The following CADM1 variants were observed in gnomAD, a reference collection of about 807,000 sequenced individuals.
CADM1 encodes cell adhesion molecule 1.
In CADM1, 15 loss-of-function variants were observed where a neutral mutation model predicts 53.1. The observed-to-expected ratio is 0.28, with a 90% CI of 0.19 to 0.44. CADM1 has a LOEUF of 0.44. CADM1 is among the 20% of genes least tolerant of loss of function. The probability of loss-of-function intolerance (pLI) is 1.00; values close to 1 mark genes in which losing one functional copy is unlikely to be tolerated. For missense variants in CADM1, 434 were observed against 611.3 expected (o/e 0.71, Z 3.06); for synonymous variants, 281 against 243.0 (o/e 1.16, Z -1.45).
intron 1 of CADM1, among the ~76,000 whole-genome samples, chr11:115,349,797 T>C (rs1198025287): frequency 1.3e-5 from 2 of 152,166 alleles, no homozygotes; most frequent in African/African-American, 4.8e-5. Flanking sequence ...ATTTCACTGT[T>C]CTAGGTCCCT....
chr11:115,230,623 T>A (rs1941780895), intron 4 of CADM1, among the ~76,000 whole-genome samples: 1 of 152,212 alleles, frequency 6.6e-6, no homozygotes, highest in South Asian at 2.1e-4. Flanking sequence ...AGGTGCCAGG[T>A]ATTTGAGGAT....
chr11:115,500,417 T>G (rs1400100987), intron 1 of CADM1, among the ~76,000 whole-genome samples: 1 of 152,200 alleles, frequency 6.6e-6, no homozygotes, highest in Non-Finnish European at 1.5e-5. Context: ...TTCATAGCAA[T>G]CTTATCAATT....
rs992773083 is a variant in CADM1 at position 115,359,510 on chromosome 11, C to T, written c.125-119090G>A. On this transcript the variant is annotated intron_variant, in intron 1 of 11. Transcript: ENST00000331581. ...GCCCAAGGCAAAGACATGACACAGT[C>T]ATATTAGAAACTTCCTTAGAGAAAT... Among the ~76,000 whole-genome samples, 7 of 152,060 alleles carry T rather than the reference C, an allele frequency of 4.6e-5. No homozygotes were observed. In the East Asian group the frequency reaches 1.4e-3, roughly 29 times the overall value.
At chr11:115,443,863 G>A (rs559347609) in intron 1 of CADM1, among the ~76,000 whole-genome samples, 41 of 152,308 alleles carry the variant, frequency 2.7e-4, no homozygotes, top group Admixed American at 1.5e-3. Context: ...TGACCTATTA[G>A]AAGAACGGAC....
chr11:115,321,981 C>T (rs1311312119), intron 1 of CADM1, among the ~76,000 whole-genome samples: 2 of 152,074 alleles, frequency 1.3e-5, no homozygotes, highest in African/African-American at 2.4e-5. Context: ...AACATACAGT[C>T]GCTAAAGTAC....
chr11:115,262,240 A>G (rs7117558), intron 1 of CADM1, among the ~76,000 whole-genome samples: 1 of 151,824 alleles, frequency 6.6e-6, no homozygotes, highest in Non-Finnish European at 1.5e-5. Flanking sequence ...ACTCTGTGTT[A>G]CCAACTAGGA....
chr11:115,182,803 G>C (rs1184364557), intron 10 of CADM1, among the ~76,000 whole-genome samples: 1 of 152,204 alleles, frequency 6.6e-6, no homozygotes, highest in Middle Eastern at 3.2e-3. Flanking sequence ...CCATCCCGCA[G>C]CCACTTCCAT....
At chr11:115,363,551 AAAG>A (rs1250141444) in intron 1 of CADM1, 1 of 152,226 alleles carries the variant, frequency 6.6e-6, no homozygotes, top group African/African-American at 2.4e-5. Context: ...AGAATAATAG[AAAG>A]AATAAGATGA....
At chr11:115,240,229 T>C in intron 2 of CADM1, 45 bp downstream of exon 2, 2 of 1,594,824 alleles carry the variant, frequency 1.3e-6, no homozygotes, top group Non-Finnish European at 1.7e-6. Context: ...AGACAACATG[T>C]AGGTAAAAAA....
intron 1 of CADM1, among the ~76,000 whole-genome samples, chr11:115,245,205 A>G (rs1942371236): frequency 6.6e-6 from 1 of 152,334 alleles, no homozygotes; most frequent in South Asian, 2.1e-4. Context: ...AAAACTAATC[A>G]TATTAGGAAA....
At chr11:115,396,263 C>A (rs1013224043) in intron 1 of CADM1, among the ~76,000 whole-genome samples, 7 of 152,134 alleles carry the variant, frequency 4.6e-5, no homozygotes, top group African/African-American at 1.7e-4. Flanking sequence ...GTGAATGTGA[C>A]CACATTAGAT....
At chr11:115,293,521 T>C (rs544901429) in intron 1 of CADM1, among the ~76,000 whole-genome samples, 1 of 152,310 alleles carries the variant, frequency 6.6e-6, no homozygotes, top group African/African-American at 2.4e-5. Flanking sequence ...TTCCATCCCT[T>C]ATTCCACAGC....
Position 115,214,677 on chromosome 11 carries a change from CATTA to C in CADM1, c.921_924del (p.Asp307GlufsTer11). ...TTTGAAGCTTCACAGCGGTATGTAC[CATTA>C]TCTGTTTTGTTTAGGTTATTGATGA... On this transcript the variant is annotated frameshift_variant, in exon 7 of 12. Transcript: ENST00000331581. LOFTEE classifies it high-confidence loss of function. 1 of 1,614,004 alleles carries C rather than the reference CATTA, an allele frequency of 6.2e-7. No homozygotes were observed. Among genetic ancestry groups the C allele is most frequent in the Non-Finnish European group, 8.5e-7 (1 of 1,179,932 alleles).
At chr11:115,178,557 A>G (rs1555034223) in intron 11 of CADM1, 87 bp downstream of exon 11, 1 of 1,330,572 alleles carries the variant, frequency 7.5e-7, no homozygotes, top group Non-Finnish European at 1.1e-6. Flanking sequence ...ACATACATCA[A>G]ATTGCCTATC....
chr11:115,318,082 T>G (rs1316589832), intron 1 of CADM1, among the ~76,000 whole-genome samples: 3 of 151,964 alleles, frequency 2.0e-5, no homozygotes, highest in Non-Finnish European at 4.4e-5. Context: ...GTACATAACA[T>G]TCACATTAAG....
At chr11:115,325,200 A>G (rs1250406021) in intron 1 of CADM1, among the ~76,000 whole-genome samples, 1 of 152,204 alleles carries the variant, frequency 6.6e-6, no homozygotes, top group East Asian at 1.9e-4. Context: ...CCCTTAGATT[A>G]TCTCCCCAGA....
intron 10 of CADM1, among the ~76,000 whole-genome samples, chr11:115,181,836 C>T (rs964297820): frequency 1.3e-5 from 2 of 152,224 alleles, no homozygotes; most frequent in African/African-American, 4.8e-5. Flanking sequence ...CTGCCTGCAC[C>T]TGCGGGCTGT....
intron 1 of CADM1, among the ~76,000 whole-genome samples, chr11:115,295,523 TATATATATATATATATATATATATATA>T (rs1471327267): frequency 1.4e-4 from 11 of 79,662 alleles, no homozygotes; most frequent in Admixed American, 5.1e-4. Context: ...TATATATATA[TATATATATATATATATATATATATATA>T]ATATATATGT....
intron 1 of CADM1, among the ~76,000 whole-genome samples, chr11:115,340,660 T>A (rs866150542): frequency 6.3e-3 from 274 of 43,176 alleles, no homozygotes; most frequent in African/African-American, 0.018. Context: ...ATATATATAT[T>A]TTTTTTTTTT....
Sources: allele counts gnomAD v4.1 joint callset (sites outside exome capture counted in the v4.1 genomes callset), GRCh38; gene constraint gnomAD v4.1.1; transcripts MANE v1.5; gene names NCBI Gene and HGNC (gene_info 2026-07-23, HGNC 2026-07-21).